The following STAB2 variants were observed in gnomAD, a reference collection of about 807,000 sequenced individuals.
STAB2 encodes the protein stabilin-2.
STAB2 carries 288 observed loss-of-function variants against 338.1 expected under a neutral mutation model. That is an observed-to-expected ratio of 0.85 (90% CI 0.77 to 0.94). STAB2 has a LOEUF of 0.94. Ranked by LOEUF, STAB2 falls within the 40% of genes least tolerant of loss-of-function variation. STAB2 has a pLI of 0.00. For synonymous variants in STAB2, 1,202 were observed against 1,193.3 expected, an observed-to-expected ratio of 1.01 and a Z score of -0.15; for missense variants, 3,141 against 3,210.1, an observed-to-expected ratio of 0.98 and a Z score of 0.52.
chr12:103,638,162 G>T lies in STAB2; in HGVS notation c.856G>T (p.Gly286Ter). The T allele has an allele frequency of 6.2e-7, 1 of 1,614,182 alleles. No individual in the cohort carries two copies. The highest frequency in any genetic ancestry group is 8.5e-7 in the Non-Finnish European group (1 of 1,180,024). ...LPVDPCQINF[G>*]NCPTKSTVCK... Reference sequence around the variant, plus strand: ...TGTGGACCCCTGCCAAATTAACTTTGGAAACTGCCCTACAAAGTCTACAGT... The same window carrying T: ...TGTGGACCCCTGCCAAATTAACTTTTGAAACTGCCCTACAAAGTCTACAGT... The change falls in exon 8 of 69, where the codon GGA becomes TGA. Residue 286 changes from glycine (G) to a stop codon, truncating the protein, a stop_gained. Transcript: ENST00000388887. LOFTEE classifies it high-confidence loss of function.
intron 9 of STAB2, among the ~76,000 whole-genome samples, chr12:103,646,371 C>T (rs1873337062): frequency 6.6e-6 from 1 of 152,158 alleles, no homozygotes; most frequent in Admixed American, 6.5e-5. Flanking sequence ...CCTGGTATAT[C>T]CCAGCACCTC....
Position 103,766,604 on chromosome 12 carries a change from T to TAAC in STAB2, c.*269_*271dup, listed in dbSNP as rs1390137831. The TAAC allele has an allele frequency of 2.4e-5, 10 of 424,510 alleles. No individual in the cohort carries two copies. The highest frequency in any genetic ancestry group is 4.0e-5 in the Admixed American group (1 of 25,152). The allele number at this position is 424,510 out of a possible 1,614,324, so 26.3% of individuals were successfully genotyped here. ...GCTCCATTCTGCCCTACATGATGGG[T>TAAC]AACTGTGATCTTTCTTCCCTGTTAG... On this transcript the variant is annotated 3_prime_UTR_variant, in exon 69 of 69. Transcript: ENST00000388887.
intron 22 of STAB2, among the ~76,000 whole-genome samples, chr12:103,673,600 C>T (rs1876036421): frequency 6.6e-6 from 1 of 152,214 alleles, no homozygotes; most frequent in African/African-American, 2.4e-5. Context: ...CCTCCCACGT[C>T]AGCTTCCCGG....
At chr12:103,596,952 CAAAAAAA>C (rs35439238) in intron 3 of STAB2, among the ~76,000 whole-genome samples, 10 of 64,498 alleles carry the variant, frequency 1.6e-4, no homozygotes, top group South Asian at 7.3e-4. Flanking sequence ...GACCCTATCT[CAAAAAAA>C]AAAAAAAAAA....
At chr12:103,608,880 G>T (rs1196011560) in intron 3 of STAB2, among the ~76,000 whole-genome samples, 1 of 152,240 alleles carries the variant, frequency 6.6e-6, no homozygotes, top group Admixed American at 6.5e-5. Flanking sequence ...GTAAGGAAGA[G>T]ATCCAGTTTC....
chr12:103,604,345 G>A (rs979967728), intron 3 of STAB2, among the ~76,000 whole-genome samples: 5 of 151,956 alleles, frequency 3.3e-5, no homozygotes, highest in African/African-American at 1.2e-4. Context: ...TATGTATTTG[G>A]TTTTGGAATC....
intron 3 of STAB2, among the ~76,000 whole-genome samples, chr12:103,614,335 T>C (rs1416828583): frequency 6.6e-6 from 1 of 152,222 alleles, no homozygotes; most frequent in African/African-American, 2.4e-5. Flanking sequence ...AGAAATAATA[T>C]GAATTTTAGC....
intron 6 of STAB2, among the ~76,000 whole-genome samples, chr12:103,634,097 G>A (rs1408614897): frequency 1.3e-5 from 2 of 152,204 alleles, no homozygotes; most frequent in Admixed American, 1.3e-4. Flanking sequence ...TGAATAAGTT[G>A]TGGTACATCC....
At chr12:103,656,982 G>C (rs557953727) in intron 15 of STAB2, among the ~76,000 whole-genome samples, 1 of 152,146 alleles carries the variant, frequency 6.6e-6, no homozygotes, top group African/African-American at 2.4e-5. Flanking sequence ...CACCGCGCCC[G>C]GCCAGGATTT....
rs764055552 is a variant in STAB2, at chr12:103,660,758, G to T, written c.1864G>T (p.Asp622Tyr). 6.2e-7 allele frequency: 1 copy of T among 1,613,782 alleles called. No individual in the cohort carries two copies. The highest frequency in any genetic ancestry group is 8.5e-7 in the Non-Finnish European group (1 of 1,179,920). The change falls in exon 17 of 69, where the codon GAC becomes TAC. Residue 622 changes from aspartate to tyrosine, a missense_variant. Transcript: ENST00000388887. ...ANQLIQFNTTDNGQILANDVA... is the reference protein window; with the variant it reads ...ANQLIQFNTTYNGQILANDVA... ...CCAGCTCATACAGTTCAACACCACC[G>T]ACAATGTAAGTGAAAACTCAACCAC... is the stretch of plus-strand genomic sequence containing the variant.
chr12:103,745,280 C>G lies in STAB2; in HGVS notation c.6136+3C>G. 2 of 1,612,438 alleles carry G rather than the reference C, an allele frequency of 1.2e-6. No individual in the cohort carries two copies. The highest frequency in any genetic ancestry group is 1.7e-6 in the Non-Finnish European group (2 of 1,179,642). ...CCCCTCGTGTGACACTCAGGCAGGT[C>G]AGTCATGGGAGTGGTCAGCTGCTGG... On this transcript the variant is annotated splice_donor_region_variant and intron_variant, in intron 57 of 68. Coordinates refer to ENST00000388887, the MANE Select transcript of STAB2 (RefSeq NM_017564.10).
rs1565999194 is a variant in STAB2 at position 103,669,621 on chromosome 12, T to C, written c.2253T>C (p.Asn751=). ...GCTTCTCAAATCCATGCTCAGGAAATGGACAGGTGAATACTGAAGACTGGC... is the reference window on the plus strand; with the variant it reads ...GCTTCTCAAATCCATGCTCAGGAAACGGACAGGTGAATACTGAAGACTGGC... ...PGGFSNPCSG[N]GQCADSLGGN... Residue 751 remains asparagine, a synonymous_variant, in exon 21 of 69, where the codon AAT becomes AAC. Transcript: ENST00000388887. The C allele has an allele frequency of 6.2e-7, 1 of 1,614,002 alleles. No individual in the cohort carries two copies. Among genetic ancestry groups the C allele is most frequent in the African/African-American group, 1.3e-5 (1 of 75,030 alleles).
chr12:103,679,952 G>A (rs1193853825), intron 25 of STAB2, among the ~76,000 whole-genome samples: 1 of 152,210 alleles, frequency 6.6e-6, no homozygotes, highest in Non-Finnish European at 1.5e-5. Context: ...GCCTTAAAAA[G>A]GAAGAAAATG....
At chr12:103,698,212 C>G (rs1413921634) in intron 33 of STAB2, among the ~76,000 whole-genome samples, 1 of 152,156 alleles carries the variant, frequency 6.6e-6, no homozygotes, top group African/African-American at 2.4e-5. Flanking sequence ...ATGTGGGAAA[C>G]AGCCTCAGCC....
At chr12:103,625,362 T>A (rs1437252623) in intron 5 of STAB2, among the ~76,000 whole-genome samples, 2 of 151,822 alleles carry the variant, frequency 1.3e-5, no homozygotes, top group South Asian at 4.1e-4. Context: ...TCTCAACACC[T>A]AAATTTTTTT....
chr12:103,762,281 C>A lies in STAB2; in HGVS notation c.7367C>A (p.Thr2456Asn), dbSNP rs201534588. 9.3e-5 allele frequency: 150 copies of A among 1,614,076 alleles called. No individual in the cohort carries two copies. Among genetic ancestry groups the A allele is most frequent in the Non-Finnish European group, 1.1e-4 (132 of 1,180,036 alleles). The change falls in exon 67 of 69, where the codon ACC becomes AAC. Residue 2456 changes from threonine to asparagine, a missense_variant. Coordinates refer to ENST00000388887, the MANE Select transcript of STAB2 (RefSeq NM_017564.10). The part of the protein sequence containing the change: ...LKAPPAPVTL[T>N]HTGLGAGIFF... ...TCCTTTCTTTGTGTTCAGACCTTGA[C>A]CCACACTGGCTTGGGAGCAGGGATC... is the stretch of plus-strand genomic sequence containing the variant.
intron 7 of STAB2, among the ~76,000 whole-genome samples, chr12:103,637,642 G>A (rs1220647228): frequency 3.3e-5 from 5 of 152,110 alleles, no homozygotes; most frequent in African/African-American, 4.8e-5. Context: ...CAGTTTTTCT[G>A]TCTATGAAAT....
At chr12:103,686,548 A>G (rs937949454) in intron 27 of STAB2, among the ~76,000 whole-genome samples, 2 of 152,180 alleles carry the variant, frequency 1.3e-5, no homozygotes, top group African/African-American at 4.8e-5. Flanking sequence ...TCTGTTGCCC[A>G]GGCTGAGGTA....
chr12:103,619,261 T>C (rs1234393143), intron 3 of STAB2, among the ~76,000 whole-genome samples: 1 of 152,148 alleles, frequency 6.6e-6, no homozygotes, highest in Admixed American at 6.5e-5. Context: ...CATTTCATGG[T>C]CATTGCATGG....
Sources: allele counts gnomAD v4.1 joint callset (sites outside exome capture counted in the v4.1 genomes callset), GRCh38; gene constraint gnomAD v4.1.1; transcripts MANE v1.5; gene names NCBI Gene and HGNC (gene_info 2026-07-23, HGNC 2026-07-21).